Variants in MYH10 observed in about 807,000 individuals in gnomAD.
The protein encoded by MYH10 is myosin heavy chain 10.
Under a neutral mutation model 257.8 loss-of-function variants are expected in MYH10, and 55 were observed. That is an observed-to-expected ratio of 0.21 (90% CI 0.17 to 0.27). The LOEUF (loss-of-function observed/expected upper bound fraction) is 0.27. Ranked by LOEUF, MYH10 falls within the 10% of genes least tolerant of loss-of-function variation. The probability of loss-of-function intolerance (pLI) is 1.00; values close to 1 mark genes in which losing one functional copy is unlikely to be tolerated. For synonymous variants in MYH10, 854 were observed against 921.7 expected, an observed-to-expected ratio of 0.93 and a Z score of 1.33; for missense variants, 1,631 against 2,500.6, an observed-to-expected ratio of 0.65 and a Z score of 7.42.
At chr17:8,500,264 G>A (rs914437276) in intron 29 of MYH10, among the ~76,000 whole-genome samples, 3 of 152,178 alleles carry the variant, frequency 2.0e-5, no homozygotes, top group Non-Finnish European at 4.4e-5. Flanking sequence ...AAGTCATGGA[G>A]GCCAGTCTGC....
chr17:8,480,763 G>A (rs1913608948), intron 38 of MYH10: 1 of 562,324 alleles, frequency 1.8e-6, no homozygotes, highest in East Asian at 3.3e-5. Context: ...GGACTGCTGG[G>A]TGGCCTCCCG....
chr17:8,612,296 T>A lies in MYH10; in HGVS notation c.346-7314A>T, dbSNP rs1265134326. Among the ~76,000 whole-genome samples, 8 of 152,194 alleles carry A rather than the reference T, an allele frequency of 5.3e-5. No individual in the cohort carries two copies. The East Asian group carries it at 1.5e-3, about 29-fold the overall frequency. ...CACAAAGTGCTTCCTTTAAGTGATA[T>A]GGTAAGTTTTCAACTTAATAACGAT... is the stretch of plus-strand genomic sequence containing the variant. On this transcript the variant is annotated intron_variant, in intron 2 of 42. Coordinates refer to ENST00000360416, the MANE Select transcript of MYH10 (RefSeq NM_001256012.3).
chr17:8,478,627 C>T (rs560731250), intron 40 of MYH10, among the ~76,000 whole-genome samples, 181 bp from the exon 41 acceptor site: 1 of 152,318 alleles, frequency 6.6e-6, no homozygotes, highest in Non-Finnish European at 1.5e-5. Context: ...ATCAGAATTG[C>T]CTTTAATGTA....
intron 7 of MYH10, among the ~76,000 whole-genome samples, chr17:8,562,131 T>C (rs1159544065): frequency 1.3e-5 from 2 of 152,246 alleles, no homozygotes; most frequent in Non-Finnish European, 2.9e-5. Context: ...TCAGATATTT[T>C]ACAAGACATA....
chr17:8,521,070 A>G (rs1364924973), intron 18 of MYH10, 22 bp downstream of exon 18: 12 of 1,613,850 alleles, frequency 7.4e-6, no homozygotes, highest in Non-Finnish European at 9.3e-6. Context: ...AAATACTAGC[A>G]TATGTTTTGC....
chr17:8,497,054 G>T (rs111976627), intron 30 of MYH10, among the ~76,000 whole-genome samples: 1 of 152,316 alleles, frequency 6.6e-6, no homozygotes, highest in African/African-American at 2.4e-5. Flanking sequence ...CACGTGCTGT[G>T]TGACTCCGCT....
intron 4 of MYH10, 100 bp downstream of exon 4, chr17:8,588,981 A>G (rs1354426455): frequency 1.9e-5 from 22 of 1,135,996 alleles, no homozygotes; most frequent in Non-Finnish European, 2.7e-5. Context: ...TCAAACTCTT[A>G]AAAATTACTG....
intron 23 of MYH10, among the ~76,000 whole-genome samples, chr17:8,513,096 A>G (rs1393217338): frequency 6.6e-6 from 1 of 152,234 alleles, no homozygotes; most frequent in Non-Finnish European, 1.5e-5. Flanking sequence ...AGCTTTGTCC[A>G]TGAAGAAAAC....
At chr17:8,560,895 T>C in intron 7 of MYH10, 1 of 516,764 alleles carries the variant, frequency 1.9e-6, no homozygotes, top group Non-Finnish European at 3.7e-6. Flanking sequence ...ATGGAAGCCA[T>C]GGAGTGCTCT....
At chr17:8,485,888 G>A (rs1213534683) in intron 36 of MYH10, among the ~76,000 whole-genome samples, 6 of 152,196 alleles carry the variant, frequency 3.9e-5, no homozygotes, top group Admixed American at 3.9e-4. Context: ...GTTCATAGAG[G>A]CATTATTCAG....
At chr17:8,588,947 C>T (rs2084017569) in intron 4 of MYH10, 134 bp downstream of exon 4, 1 of 836,890 alleles carries the variant, frequency 1.2e-6, no homozygotes, top group Non-Finnish European at 1.9e-6. Flanking sequence ...TAATCTTAGT[C>T]TTAAAATAAC....
At chr17:8,491,751 G>A (rs561836884) in intron 34 of MYH10, among the ~76,000 whole-genome samples, 3 of 152,288 alleles carry the variant, frequency 2.0e-5, no homozygotes, top group South Asian at 4.1e-4. Flanking sequence ...AGGGAGAGAC[G>A]TAGGGTAAAT....
chr17:8,543,776 A>G (rs766883169), intron 13 of MYH10, among the ~76,000 whole-genome samples: 1 of 152,174 alleles, frequency 6.6e-6, no homozygotes, highest in Non-Finnish European at 1.5e-5. Flanking sequence ...CCGGCCAAGA[A>G]TGGTATTTTT....
At chr17:8,625,732 C>T (rs935699954) in intron 1 of MYH10, among the ~76,000 whole-genome samples, 25 of 152,128 alleles carry the variant, frequency 1.6e-4, no homozygotes, top group African/African-American at 5.1e-4. Context: ...CCACCTGCCT[C>T]GGCCTCCCAA....
At chr17:8,550,041 C>A (rs1267283787) in intron 9 of MYH10, among the ~76,000 whole-genome samples, 3 of 150,624 alleles carry the variant, frequency 2.0e-5, no homozygotes. Flanking sequence ...CTCGCTACAA[C>A]CTCCACCTCC....
intron 1 of MYH10, among the ~76,000 whole-genome samples, chr17:8,628,480 A>G (rs556646505): frequency 6.6e-6 from 1 of 152,328 alleles, no homozygotes; most frequent in African/African-American, 2.4e-5. Context: ...AAAGGCAAAC[A>G]AGAAGGATGG....
At chr17:8,512,089 T>C (rs1289506391) in intron 24 of MYH10, among the ~76,000 whole-genome samples, 1 of 152,198 alleles carries the variant, frequency 6.6e-6, no homozygotes, top group Non-Finnish European at 1.5e-5. Context: ...AACCACGTAG[T>C]AGATGTCTAT....
intron 24 of MYH10, among the ~76,000 whole-genome samples, chr17:8,511,365 C>A (rs1049408609): frequency 7.2e-5 from 11 of 151,810 alleles, no homozygotes; most frequent in African/African-American, 2.2e-4. Flanking sequence ...ACTAAAAATA[C>A]AAAAATTAGC....
chr17:8,575,985 T>C lies in MYH10; in HGVS notation c.663+658A>G, dbSNP rs527325168. ...ATTAAGAAAATTGTAATTGATTTTA[T>C]TTTACTTATTTATAGAGATGAGGTC... On this transcript the variant is annotated intron_variant, in intron 6 of 42. Transcript: ENST00000360416. 2.6e-5 allele frequency among the ~76,000 whole-genome samples: 4 copies of C among 152,318 alleles called. No homozygotes were observed. The South Asian group carries it at 8.3e-4, about 32-fold the overall frequency.
Sources: gnomAD v4.1 joint callset for allele counts (sites outside exome capture counted in the v4.1 genomes callset) on GRCh38, gnomAD v4.1.1 for gene constraint, MANE v1.5 for transcripts, NCBI Gene and HGNC (gene_info 2026-07-23, HGNC 2026-07-21) for gene names.